SFMBT2: variants seen among roughly 807,000 people sequenced by gnomAD.
SFMBT2 encodes Scm like with four mbt domains 2, also known as scm-like with four MBT domains protein 2.
A neutral mutation model predicts 110.1 loss-of-function variants in SFMBT2; 38 were observed. The ratio of observed to expected loss-of-function variants is 0.35; its 90% CI spans 0.27 to 0.45. The LOEUF (loss-of-function observed/expected upper bound fraction) is 0.45, where lower values mean the gene tolerates loss of function less well. Among genes scored for constraint, SFMBT2 ranks in the 20% least tolerant of loss-of-function variants. The probability of loss-of-function intolerance (pLI) is 1.00; values close to 1 mark genes in which losing one functional copy is unlikely to be tolerated. For missense variants in SFMBT2, 1,011 were observed against 1,094.9 expected, an observed-to-expected ratio of 0.92 and a Z score of 1.08; for synonymous variants, 425 against 425.4, an observed-to-expected ratio of 1.00 and a Z score of 0.01.
chr10:7,175,878 A>G, intron 17 of SFMBT2, 112 bp downstream of exon 17: 1 of 950,578 alleles, frequency 1.1e-6, no homozygotes, highest in Non-Finnish European at 1.6e-6. Context: ...CCTATGGAAG[A>G]CTAGTCAAAA....
chr10:7,188,804 A>G (rs2131577108), intron 15 of SFMBT2, 71 bp from the exon 16 acceptor site: 3 of 1,274,714 alleles, frequency 2.4e-6, no homozygotes, highest in Non-Finnish European at 3.4e-6. Flanking sequence ...GATGCTTTGA[A>G]AACCACACCA....
intron 6 of SFMBT2, among the ~76,000 whole-genome samples, chr10:7,280,229 T>C (rs886962513): frequency 6.6e-6 from 1 of 152,216 alleles, no homozygotes; most frequent in African/African-American, 2.4e-5. Flanking sequence ...TAAATGTTTG[T>C]TGTTTAAGCC....
intron 4 of SFMBT2, among the ~76,000 whole-genome samples, chr10:7,298,065 C>T (rs1048504017): frequency 1.6e-4 from 24 of 152,222 alleles, no homozygotes; most frequent in African/African-American, 5.8e-4. Context: ...GTTGGCTGCT[C>T]GCCCAGCACC....
At chr10:7,385,182 G>C (rs1188151376) in intron 1 of SFMBT2, among the ~76,000 whole-genome samples, 4 of 152,144 alleles carry the variant, frequency 2.6e-5, no homozygotes, top group Non-Finnish European at 5.9e-5. Context: ...AATGTTCAGA[G>C]GGTACCTGGA....
intron 4 of SFMBT2, among the ~76,000 whole-genome samples, chr10:7,318,834 G>A (rs1183683143): frequency 6.6e-6 from 1 of 152,234 alleles, no homozygotes; most frequent in East Asian, 1.9e-4. Flanking sequence ...GATTTTATTT[G>A]TACACAATTC....
intron 4 of SFMBT2, among the ~76,000 whole-genome samples, chr10:7,291,003 G>A (rs1277038135): frequency 2.6e-5 from 4 of 152,216 alleles, no homozygotes; most frequent in Non-Finnish European, 4.4e-5. Context: ...TCTCAGGGAC[G>A]TGACCTGTGT....
At chr10:7,189,333 T>A (rs1838524072) in intron 15 of SFMBT2, 1 of 243,594 alleles carries the variant, frequency 4.1e-6, no homozygotes, top group Non-Finnish European at 6.6e-6. Context: ...ATTTCCCCCA[T>A]CCACCCCTCA....
chr10:7,372,621 C>A (rs1845093800), intron 2 of SFMBT2, among the ~76,000 whole-genome samples: 1 of 152,190 alleles, frequency 6.6e-6, no homozygotes, highest in South Asian at 2.1e-4. Flanking sequence ...GCGAAGTGAA[C>A]TAGAGAGAAA....
At chr10:7,391,997 G>A (rs1231180282) in intron 1 of SFMBT2, among the ~76,000 whole-genome samples, 1 of 152,036 alleles carries the variant, frequency 6.6e-6, no homozygotes, top group Non-Finnish European at 1.5e-5. Flanking sequence ...TTTCACCATG[G>A]TAAGTAGCAC....
intron 1 of SFMBT2, among the ~76,000 whole-genome samples, chr10:7,387,335 G>T (rs775671297): frequency 2.0e-5 from 3 of 152,160 alleles, no homozygotes; most frequent in Admixed American, 6.5e-5. Context: ...TCTTGTGTGT[G>T]TATTAATGGA....
chr10:7,288,860 C>A (rs868681916), intron 4 of SFMBT2, among the ~76,000 whole-genome samples: 4 of 150,146 alleles, frequency 2.7e-5, no homozygotes, highest in Middle Eastern at 3.4e-3. Context: ...GAAACCCCCC[C>A]CCCCATCTCC....
rs865913647 is a variant in SFMBT2, at chr10:7,329,494, A to C, written c.436+38155T>G. 21 of 985,362 alleles carry C rather than the reference A, an allele frequency of 2.1e-5. No individual in the cohort carries two copies. The African/African-American group carries it at 3.1e-4, about 15-fold the overall frequency. The allele number at this position is 985,362 out of a possible 1,614,324, so 61.0% of individuals were successfully genotyped here. On this transcript the variant is annotated intron_variant, in intron 4 of 20. Transcript: ENST00000397167. ...TGTGGTGAGTTCTGCAAAGAGCATG[A>C]GCTGGAGGGAGAGAGGAGGTGCTGC...
intron 7 of SFMBT2, among the ~76,000 whole-genome samples, chr10:7,270,149 A>T (rs368760308): frequency 5.3e-5 from 8 of 152,290 alleles, no homozygotes; most frequent in African/African-American, 1.9e-4. Context: ...TCTTGTAAGC[A>T]GAGAGAAATT....
intron 9 of SFMBT2, chr10:7,228,416 T>A (rs1839965040): frequency 1.3e-6 from 1 of 797,238 alleles, no homozygotes; most frequent in Non-Finnish European, 1.5e-6. Context: ...GACGACTTTT[T>A]AAAAAGTAAC....
chr10:7,233,264 A>C (rs1840161090), intron 9 of SFMBT2, among the ~76,000 whole-genome samples: 2 of 152,262 alleles, frequency 1.3e-5, no homozygotes, highest in South Asian at 4.2e-4. Flanking sequence ...ACTTTAAAAA[A>C]CCACTGTAGA....
rs1434272421 is a variant in SFMBT2, at chr10:7,171,851, T to C, written c.2415+44A>G. The C allele has an allele frequency of 1.4e-6, 2 of 1,385,978 alleles. No homozygotes were observed. Among genetic ancestry groups the C allele is most frequent in the African/African-American group, 1.5e-5 (1 of 66,280 alleles). 85.9% of individuals were successfully genotyped at this position (1,385,978 alleles called of 1,614,324 possible). ...CCTGAAGTGTAACAGGTGTGCTTCT[T>C]CAGACCCAGCGGGAAGCCCTCTGTC... On this transcript the variant is annotated intron_variant, in intron 19 of 20. Coordinates refer to ENST00000397167, the MANE Select transcript of SFMBT2 (RefSeq NM_001387889.1). The surrounding 1 kb of genome is among the most constrained non-coding windows in gnomAD (Gnocchi z 4.9).
Position 7,269,703 on chromosome 10 carries a change from AGTAAGTGTGTGCGTGTGT to A in SFMBT2, c.870+7171_870+7188del, listed in dbSNP as rs776569231. 7.2e-3 allele frequency among the ~76,000 whole-genome samples: 990 copies of A among 136,556 alleles called. 7 individuals carry two copies. The highest frequency in any genetic ancestry group is 0.015 in the Middle Eastern group (4 of 268). The allele number at this position is 136,556 out of a possible 152,430, so 89.6% of individuals were successfully genotyped here. A position where few individuals can be genotyped will look rare whatever the true frequency, so the allele number is the denominator to read the frequency against. On this transcript the variant is annotated intron_variant, in intron 7 of 20. Transcript: ENST00000397167. ...ACAGTGATAACAGAGAAAAAAAGCAAGTAAGTGTGTGCGTGTGTGTGTGTGTGTGTGTGTGTGTGTGTG... is the reference window on the plus strand; with the variant it reads ...ACAGTGATAACAGAGAAAAAAAGCAAGTGTGTGTGTGTGTGTGTGTGTGTG...
chr10:7,165,747 G>A (rs146512020), intron 20 of SFMBT2, among the ~76,000 whole-genome samples: 2 of 152,334 alleles, frequency 1.3e-5, no homozygotes, highest in East Asian at 3.9e-4. Flanking sequence ...GTAGAAAACT[G>A]TCACTATATT....
intron 13 of SFMBT2, 48 bp from the exon 14 acceptor site, chr10:7,200,532 G>A (rs1279787879): frequency 6.7e-7 from 1 of 1,482,342 alleles, no homozygotes; most frequent in Non-Finnish European, 9.2e-7. Flanking sequence ...GCTTTAGAAG[G>A]AACTACTACA....
Sources: gnomAD v4.1 joint callset for allele counts (sites outside exome capture counted in the v4.1 genomes callset) on GRCh38, gnomAD v4.1.1 for gene constraint, Gnocchi (gnomAD v3.1) non-coding constraint, MANE v1.5 for transcripts, NCBI Gene and HGNC (gene_info 2026-07-23, HGNC 2026-07-21) for gene names.